The following CA10 variants were observed in gnomAD, a reference collection of about 807,000 sequenced individuals.
The protein encoded by CA10 is carbonic anhydrase 10 (inactive).
Under a neutral mutation model 44.2 loss-of-function variants are expected in CA10, and 14 were observed. The observed-to-expected ratio is 0.32, with a 90% confidence interval of 0.21 to 0.50. The LOEUF is 0.50. Among genes scored for constraint, CA10 ranks in the 20% least tolerant of loss-of-function variants. The pLI is 0.99. For synonymous variants in CA10, 159 were observed against 141.6 expected (o/e 1.12, Z -0.87); for missense variants, 350 against 409.7 (o/e 0.85, Z 1.26).
At chr17:51,966,593 T>G (rs188057484) in intron 2 of CA10, among the ~76,000 whole-genome samples, 44 of 151,298 alleles carry the variant, frequency 2.9e-4, no homozygotes, top group African/African-American at 9.7e-4. Flanking sequence ...TCAAGAAAAA[T>G]AAGCAATGGG....
At chr17:51,703,480 G>T (rs911900500) in intron 4 of CA10, among the ~76,000 whole-genome samples, 1 of 152,004 alleles carries the variant, frequency 6.6e-6, no homozygotes, top group African/African-American at 2.4e-5. Context: ...TTACAAAATT[G>T]AGATAAGGCC....
chr17:51,739,074 T>A (rs897076379), intron 4 of CA10, among the ~76,000 whole-genome samples: 3 of 152,146 alleles, frequency 2.0e-5, no homozygotes, highest in African/African-American at 7.2e-5. Flanking sequence ...CCTTTCCAAG[T>A]CCAGGTCTAT....
chr17:51,692,771 T>C (rs1915259725), intron 4 of CA10, among the ~76,000 whole-genome samples: 1 of 152,128 alleles, frequency 6.6e-6, no homozygotes, highest in African/African-American at 2.4e-5. Flanking sequence ...ATGCAGGTTT[T>C]CATGTGGAAA....
intron 3 of CA10, among the ~76,000 whole-genome samples, chr17:51,889,841 T>C (rs749006269): frequency 6.6e-6 from 1 of 152,250 alleles, no homozygotes; most frequent in African/African-American, 2.4e-5. Context: ...AAAAGTGTTT[T>C]TGCTAAAGAA....
At chr17:51,633,695 T>C in intron 7 of CA10, 45 bp from the exon 8 acceptor site, 1 of 1,592,102 alleles carries the variant, frequency 6.3e-7, no homozygotes, top group African/African-American at 1.3e-5. Context: ...TCCTCTTAAA[T>C]GCACTAGGGA....
At chr17:51,784,444 A>G (rs2143684153) in intron 3 of CA10, among the ~76,000 whole-genome samples, 1 of 152,320 alleles carries the variant, frequency 6.6e-6, no homozygotes, top group Non-Finnish European at 1.5e-5. Context: ...AAAACCTACT[A>G]TGGAACACTA....
At chr17:52,110,318 A>T (rs1988762580) in intron 1 of CA10, among the ~76,000 whole-genome samples, 1 of 152,242 alleles carries the variant, frequency 6.6e-6, no homozygotes, top group Non-Finnish European at 1.5e-5. Context: ...AGACAGCAGG[A>T]TAAAATGAGT....
chr17:51,903,449 T>C (rs1026450880), intron 3 of CA10, among the ~76,000 whole-genome samples: 1 of 152,156 alleles, frequency 6.6e-6, no homozygotes, highest in Non-Finnish European at 1.5e-5. Flanking sequence ...TCAGTTTATA[T>C]ATGGAGTGTA....
chr17:52,123,789 A>G (rs141742016), intron 1 of CA10, among the ~76,000 whole-genome samples: 106 of 152,354 alleles, frequency 7.0e-4, no homozygotes, highest in African/African-American at 2.5e-3. Flanking sequence ...TTGAATAAAT[A>G]AATGAATGAG....
intron 2 of CA10, among the ~76,000 whole-genome samples, chr17:51,994,354 CAT>C (rs1417541687): frequency 6.6e-6 from 1 of 152,134 alleles, no homozygotes; most frequent in East Asian, 1.9e-4. Context: ...ATGAAAGGAA[CAT>C]AGATCTGGCA....
At chr17:51,913,369 T>C (rs1981864048) in intron 3 of CA10, among the ~76,000 whole-genome samples, 1 of 152,130 alleles carries the variant, frequency 6.6e-6, no homozygotes, top group African/African-American at 2.4e-5. Context: ...GAGACATCTT[T>C]GTGTTGGTGA....
intron 1 of CA10, among the ~76,000 whole-genome samples, chr17:52,101,660 A>G (rs1988543240): frequency 6.6e-6 from 1 of 152,180 alleles, no homozygotes; most frequent in South Asian, 2.1e-4. Context: ...CAAAGTCTCT[A>G]GGTAGAGATT....
At chr17:51,889,667 A>T (rs933513856) in intron 3 of CA10, among the ~76,000 whole-genome samples, 1 of 152,230 alleles carries the variant, frequency 6.6e-6, no homozygotes, top group Non-Finnish European at 1.5e-5. Flanking sequence ...ACTAGCTGCT[A>T]GGCTTGCCTA....
intron 3 of CA10, among the ~76,000 whole-genome samples, chr17:51,754,414 T>TATATATATA (rs1824352909): frequency 3.2e-5 from 2 of 62,122 alleles, no homozygotes; most frequent in Non-Finnish European, 6.3e-5. Context: ...TATATATATA[T>TATATATATA]ATATATATAT....
intron 3 of CA10, among the ~76,000 whole-genome samples, chr17:51,772,058 A>G (rs1905632602): frequency 6.6e-6 from 1 of 152,106 alleles, no homozygotes. Context: ...CTGGAATCCT[A>G]TGTCTCCTCC....
chr17:51,744,024 T>C (rs1024141925), intron 4 of CA10, among the ~76,000 whole-genome samples: 1 of 152,166 alleles, frequency 6.6e-6, no homozygotes, highest in Non-Finnish European at 1.5e-5. Context: ...AGGAAATTTC[T>C]ATAAGAAAAT....
chr17:51,870,574 A>C (rs1979756177), intron 3 of CA10, among the ~76,000 whole-genome samples: 1 of 152,250 alleles, frequency 6.6e-6, no homozygotes, highest in African/African-American at 2.4e-5. Flanking sequence ...GGAATACAAA[A>C]CACCACATAC....
intron 1 of CA10, among the ~76,000 whole-genome samples, chr17:52,137,943 T>C (rs1210926876): frequency 6.6e-6 from 1 of 152,156 alleles, no homozygotes; most frequent in Non-Finnish European, 1.5e-5. Flanking sequence ...ACATTCTGAA[T>C]ACCTATCCTA....
At chr17:51,882,502 T>G (rs543522074) in intron 3 of CA10, among the ~76,000 whole-genome samples, 16 of 152,278 alleles carry the variant, frequency 1.1e-4, no homozygotes, top group Non-Finnish European at 2.9e-5. Context: ...ATTCAAAAGA[T>G]GGAACTAAAT....
Sources: gnomAD v4.1 joint callset for allele counts (sites outside exome capture counted in the v4.1 genomes callset) on GRCh38, gnomAD v4.1.1 for gene constraint, MANE v1.5 for transcripts, NCBI Gene and HGNC (gene_info 2026-07-23, HGNC 2026-07-21) for gene names.